LSAMP: variants seen among roughly 807,000 people sequenced by gnomAD.
LSAMP encodes the protein limbic system-associated membrane protein.
LSAMP carries 7 observed loss-of-function variants against 38.6 expected under a neutral mutation model. The observed-to-expected ratio is 0.18, with a 90% confidence interval of 0.10 to 0.34. The LOEUF is 0.34. LSAMP is among the 10% of genes least tolerant of loss of function. LSAMP has a pLI of 1.00. For synonymous variants in LSAMP, 154 were observed against 166.8 expected, an observed-to-expected ratio of 0.92 and a Z score of 0.59; for missense variants, 313 against 420.0, an observed-to-expected ratio of 0.75 and a Z score of 2.23.
At chr3:116,431,304 C>G (rs2049278625) in intron 1 of LSAMP, among the ~76,000 whole-genome samples, 1 of 152,038 alleles carries the variant, frequency 6.6e-6, no homozygotes, top group South Asian at 2.1e-4. Context: ...AATGGCATTT[C>G]CTTGATCCAA....
chr3:116,212,825 A>C (rs1401412853), intron 1 of LSAMP, among the ~76,000 whole-genome samples: 1 of 152,186 alleles, frequency 6.6e-6, no homozygotes, highest in Non-Finnish European at 1.5e-5. Context: ...ACTTGAGAAG[A>C]ATGCTACAAG....
rs1038139634 is a variant in LSAMP at position 116,236,817 on chromosome 3, C to T, written c.156-150261G>A. Among the ~76,000 whole-genome samples, 3 of 151,552 alleles carry T rather than the reference C, an allele frequency of 2.0e-5. No homozygotes were observed. In the East Asian group the frequency reaches 5.8e-4, roughly 29 times the overall value. The stretch of plus-strand genomic sequence containing the variant: ...ATTCAAGAAATATTCAGACATATTC[C>T]TTTAAGATAGACTTTAAACATTAGT... On this transcript the variant is annotated intron_variant, in intron 1 of 6. Transcript: ENST00000490035.
At chr3:116,391,115 A>G (rs2048688336) in intron 1 of LSAMP, among the ~76,000 whole-genome samples, 1 of 152,182 alleles carries the variant, frequency 6.6e-6, no homozygotes, top group Non-Finnish European at 1.5e-5. Flanking sequence ...GGTTCTTCCC[A>G]TTGGTTATCA....
chr3:116,428,697 G>T (rs780893457), intron 1 of LSAMP, among the ~76,000 whole-genome samples: 4 of 152,100 alleles, frequency 2.6e-5, no homozygotes, highest in Non-Finnish European at 5.9e-5. Context: ...ACTGCCTAAA[G>T]CTTTTCTCTT....
chr3:116,186,779 T>C (rs912664204), intron 1 of LSAMP, among the ~76,000 whole-genome samples: 1 of 152,156 alleles, frequency 6.6e-6, no homozygotes, highest in African/African-American at 2.4e-5. Flanking sequence ...CTTGGTATTT[T>C]ACTTTTACTC....
intron 1 of LSAMP, among the ~76,000 whole-genome samples, chr3:116,291,509 A>G (rs1232081715): frequency 1.3e-5 from 2 of 152,206 alleles, no homozygotes; most frequent in Non-Finnish European, 2.9e-5. Flanking sequence ...TCAATTTCTC[A>G]TATTCTATGA....
At chr3:116,142,434 C>G (rs1310955164) in intron 1 of LSAMP, among the ~76,000 whole-genome samples, 1 of 151,994 alleles carries the variant, frequency 6.6e-6, no homozygotes, top group Non-Finnish European at 1.5e-5. Flanking sequence ...AACTAAGTGA[C>G]CATCCAGCCT....
At chr3:116,251,246 T>C (rs976981614) in intron 1 of LSAMP, among the ~76,000 whole-genome samples, 23 of 152,260 alleles carry the variant, frequency 1.5e-4, no homozygotes, top group Admixed American at 1.3e-4. Flanking sequence ...ATTTAACTTA[T>C]GATTTCTCTG....
At position 115,996,647 on chromosome 3, in the gene LSAMP, A is replaced by G. The variant is rs567499333; in HGVS notation, c.514+22868T>C. ...CACAGACACTGGTATGGATGTGGGG[A>G]AAAAAAACAACAATTTTTTTCTAAG... On this transcript the variant is annotated intron_variant, in intron 3 of 6. Transcript: ENST00000490035. Among the ~76,000 whole-genome samples, 8 of 148,546 alleles carry G rather than the reference A, an allele frequency of 5.4e-5. No individual in the cohort carries two copies. The South Asian group carries it at 1.7e-3, about 31-fold the overall frequency.
intron 3 of LSAMP, among the ~76,000 whole-genome samples, chr3:115,885,185 G>A (rs183739625): frequency 4.6e-5 from 7 of 152,068 alleles, no homozygotes; most frequent in Non-Finnish European, 7.4e-5. Context: ...AGTGCCATGT[G>A]GCTGGTGTTC....
intron 3 of LSAMP, among the ~76,000 whole-genome samples, chr3:115,910,206 C>T (rs1014974578): frequency 3.3e-5 from 5 of 152,150 alleles, no homozygotes; most frequent in Non-Finnish European, 5.9e-5. Context: ...GTCTTTTGCT[C>T]AATCTTCTCT....
chr3:116,013,632 T>C (rs746126958), intron 3 of LSAMP, among the ~76,000 whole-genome samples: 1 of 152,188 alleles, frequency 6.6e-6, no homozygotes, highest in Non-Finnish European at 1.5e-5. Context: ...CATTGGCATA[T>C]ATAATATCAA....
At chr3:116,285,079 G>A (rs374944528) in intron 1 of LSAMP, among the ~76,000 whole-genome samples, 5 of 152,108 alleles carry the variant, frequency 3.3e-5, no homozygotes, top group Admixed American at 3.3e-4. Context: ...TCAAAGTCAA[G>A]ACTGAAATCG....
At chr3:116,268,292 G>A (rs1045816817) in intron 1 of LSAMP, among the ~76,000 whole-genome samples, 17 of 152,012 alleles carry the variant, frequency 1.1e-4, no homozygotes, top group Non-Finnish European at 4.4e-5. Context: ...GATAAGTAGA[G>A]TGGTCATGTA....
chr3:116,327,340 G>A (rs368750028), intron 1 of LSAMP, among the ~76,000 whole-genome samples: 1 of 152,046 alleles, frequency 6.6e-6, no homozygotes, highest in Non-Finnish European at 1.5e-5. Flanking sequence ...ACACTCTAGC[G>A]TCTTGTTCTG....
intron 1 of LSAMP, among the ~76,000 whole-genome samples, chr3:116,409,182 G>A (rs1016625140): frequency 6.6e-6 from 1 of 151,980 alleles, no homozygotes; most frequent in African/African-American, 2.4e-5. Flanking sequence ...ACTACCAGCT[G>A]TTTGTTTAAG....
At position 116,282,664 on chromosome 3, in the gene LSAMP, A is replaced by T. The variant is rs116360096; in HGVS notation, c.155+162213T>A. The stretch of plus-strand genomic sequence containing the variant: ...AACAACGGAGCAACCACAGCAAAAA[A>T]TGCTCTGGAATGTAACTAAGCTAAG... On this transcript the variant is annotated intron_variant, in intron 1 of 6. Transcript: ENST00000490035. Among the ~76,000 whole-genome samples the T allele has an allele frequency of 3.2e-3, 489 of 152,254 alleles. 4 individuals carry two copies. The highest frequency in any genetic ancestry group is 0.011 in the African/African-American group (475 of 41,554).
intron 1 of LSAMP, among the ~76,000 whole-genome samples, chr3:116,258,395 T>A (rs76954012): frequency 0.063 from 9,517 of 152,196 alleles, 411 homozygotes; most frequent in Non-Finnish European, 0.086. Flanking sequence ...TATCTTTTTT[T>A]AAATCAGTTA....
chr3:116,202,366 T>C (rs2045999473), intron 1 of LSAMP, among the ~76,000 whole-genome samples: 1 of 152,146 alleles, frequency 6.6e-6, no homozygotes, highest in African/African-American at 2.4e-5. Context: ...ACTCCTGACC[T>C]TGAGTGGTCT....
Sources: gnomAD v4.1 joint callset for allele counts (sites outside exome capture counted in the v4.1 genomes callset) on GRCh38, gnomAD v4.1.1 for gene constraint, MANE v1.5 for transcripts, NCBI Gene and HGNC (gene_info 2026-07-23, HGNC 2026-07-21) for gene names.